AUTS2: variants seen among roughly 807,000 people sequenced by gnomAD.
AUTS2 encodes the protein activator of transcription and developmental regulator AUTS2, also known as autism susceptibility gene 2 protein.
AUTS2 carries 17 observed loss-of-function variants against 112.4 expected under a neutral mutation model. The observed-to-expected ratio is 0.15, with a 90% CI of 0.10 to 0.23. The LOEUF is 0.23. Ranked by LOEUF, AUTS2 falls within the 10% of genes least tolerant of loss-of-function variation. The probability of loss-of-function intolerance (pLI) is 1.00; values close to 1 mark genes in which losing one functional copy is unlikely to be tolerated. For missense variants in AUTS2, 1,510 were observed against 1,701.6 expected, an observed-to-expected ratio of 0.89 and a Z score of 1.98; for synonymous variants, 751 against 702.7, an observed-to-expected ratio of 1.07 and a Z score of -1.09.
intron 1 of AUTS2, among the ~76,000 whole-genome samples, chr7:69,898,961 A>G (rs982294964): frequency 6.6e-6 from 1 of 152,182 alleles, no homozygotes; most frequent in Non-Finnish European, 1.5e-5. Context: ...TCCTTGGGGA[A>G]GGTCATTGTG....
intron 4 of AUTS2, among the ~76,000 whole-genome samples, chr7:70,162,814 C>T (rs1808162474): frequency 2.0e-5 from 3 of 152,128 alleles, no homozygotes; most frequent in South Asian, 4.1e-4. Context: ...AAATAACCAG[C>T]GTTAACATTT....
intron 1 of AUTS2, among the ~76,000 whole-genome samples, chr7:69,842,645 AC>A (rs1242263253): frequency 6.6e-6 from 1 of 152,198 alleles, no homozygotes. Context: ...CTAGCCCTAA[AC>A]CATCAGTGAC....
chr7:70,371,834 C>T (rs975894732), intron 4 of AUTS2, among the ~76,000 whole-genome samples: 1 of 152,166 alleles, frequency 6.6e-6, no homozygotes, highest in African/African-American at 2.4e-5. Context: ...CATTTCTATG[C>T]AAACCTTGAC....
chr7:70,645,615 T>G (rs1806117975), intron 5 of AUTS2, among the ~76,000 whole-genome samples: 1 of 152,168 alleles, frequency 6.6e-6, no homozygotes, highest in Non-Finnish European at 1.5e-5. Context: ...AGGCAAGAGA[T>G]GTATCTTGCC....
intron 4 of AUTS2, among the ~76,000 whole-genome samples, chr7:70,337,638 A>G (rs1791055397): frequency 6.6e-6 from 1 of 152,232 alleles, no homozygotes; most frequent in South Asian, 2.1e-4. Context: ...GTGTTTGCTG[A>G]ACACAGGTTT....
At chr7:69,748,515 A>G (rs890379252) in intron 1 of AUTS2, among the ~76,000 whole-genome samples, 5 of 152,330 alleles carry the variant, frequency 3.3e-5, no homozygotes, top group South Asian at 2.1e-4. Context: ...TGGAACTTTC[A>G]TAGTAACAGT....
At chr7:69,610,025 T>C (rs1792944453) in intron 1 of AUTS2, among the ~76,000 whole-genome samples, 1 of 152,250 alleles carries the variant, frequency 6.6e-6, no homozygotes, top group South Asian at 2.1e-4. Context: ...TAAAAAGACA[T>C]TGATGAATCT....
chr7:69,946,127 G>A (rs1584478233), intron 2 of AUTS2, among the ~76,000 whole-genome samples: 1 of 152,136 alleles, frequency 6.6e-6, no homozygotes, highest in South Asian at 2.1e-4. Flanking sequence ...GATTATAGGC[G>A]TGAGCTACCA....
intron 1 of AUTS2, among the ~76,000 whole-genome samples, chr7:69,688,049 C>G (rs1797142592): frequency 6.6e-6 from 1 of 152,196 alleles, no homozygotes; most frequent in Non-Finnish European, 1.5e-5. Context: ...AGCTGATAGC[C>G]TGTAACAGTC....
At chr7:70,082,934 T>C (rs1803392279) in intron 2 of AUTS2, among the ~76,000 whole-genome samples, 1 of 152,210 alleles carries the variant, frequency 6.6e-6, no homozygotes, top group Non-Finnish European at 1.5e-5. Flanking sequence ...GTACCTACTG[T>C]GTGACTTGGT....
chr7:70,777,337 T>A, intron 14 of AUTS2, 163 bp downstream of exon 14: 1 of 670,984 alleles, frequency 1.5e-6, no homozygotes, highest in Admixed American at 2.6e-5. Context: ...GTCTTACTTA[T>A]TTTTTCCTAG....
At chr7:69,956,241 CA>C (rs1323186822) in intron 2 of AUTS2, among the ~76,000 whole-genome samples, 1 of 152,004 alleles carries the variant, frequency 6.6e-6, no homozygotes, top group Non-Finnish European at 1.5e-5. Flanking sequence ...GTATGGCTTT[CA>C]AAACATTTTT....
At chr7:70,716,833 T>A (rs1302538844) in intron 6 of AUTS2, among the ~76,000 whole-genome samples, 1 of 151,978 alleles carries the variant, frequency 6.6e-6, no homozygotes, top group African/African-American at 2.4e-5. Flanking sequence ...TGTATTCGGT[T>A]ACTTCGTTTT....
chr7:70,059,170 A>G (rs767889148), intron 2 of AUTS2, among the ~76,000 whole-genome samples: 6 of 152,182 alleles, frequency 3.9e-5, no homozygotes, highest in Non-Finnish European at 5.9e-5. Flanking sequence ...TGCTCTACCT[A>G]TTCATCCCCC....
intron 5 of AUTS2, among the ~76,000 whole-genome samples, chr7:70,638,799 C>G (rs1805657073): frequency 6.6e-6 from 1 of 152,080 alleles, no homozygotes; most frequent in African/African-American, 2.4e-5. Flanking sequence ...CTTTAGCACC[C>G]TGGAAAACAA....
chr7:70,127,378 C>T (rs1156465188), intron 3 of AUTS2, among the ~76,000 whole-genome samples: 3 of 152,110 alleles, frequency 2.0e-5, no homozygotes, highest in African/African-American at 7.2e-5. Context: ...AGGTAATCCA[C>T]CCTCCTCAGC....
chr7:70,742,144 G>T (rs909582149), intron 6 of AUTS2, among the ~76,000 whole-genome samples: 1 of 152,082 alleles, frequency 6.6e-6, no homozygotes, highest in African/African-American at 2.4e-5. Flanking sequence ...GTAATTCCAG[G>T]CACTGGTATA....
At chr7:70,539,999 T>G (rs1800485269) in intron 5 of AUTS2, among the ~76,000 whole-genome samples, 1 of 152,200 alleles carries the variant, frequency 6.6e-6, no homozygotes. Flanking sequence ...TTTCCAGCCA[T>G]TAGCTTTTTG....
At chr7:69,979,595 T>C (rs368433135) in intron 2 of AUTS2, among the ~76,000 whole-genome samples, 8 of 152,332 alleles carry the variant, frequency 5.3e-5, no homozygotes, top group East Asian at 1.9e-4. Flanking sequence ...ATGCAGCCAA[T>C]CTAAATCAAA....
Sources: gnomAD v4.1 joint callset for allele counts (sites outside exome capture counted in the v4.1 genomes callset) on GRCh38, gnomAD v4.1.1 for gene constraint, MANE v1.5 for transcripts, NCBI Gene and HGNC (gene_info 2026-07-23, HGNC 2026-07-21) for gene names.